The following RBFOX1 variants were observed in gnomAD, a reference collection of about 807,000 sequenced individuals.
RBFOX1 encodes the protein RNA binding protein fox-1 homolog 1.
In RBFOX1, 8 loss-of-function variants were observed where a neutral mutation model predicts 57.7. The ratio of observed to expected loss-of-function variants is 0.14; its 90% CI spans 0.08 to 0.25. The LOEUF (loss-of-function observed/expected upper bound fraction) is 0.25, where lower values mean the gene tolerates loss of function less well. Among genes scored for constraint, RBFOX1 ranks in the 10% least tolerant of loss-of-function variants. RBFOX1 has a pLI of 1.00. For missense variants in RBFOX1, 611 were observed against 548.5 expected (o/e 1.11, Z -1.14); for synonymous variants, 326 against 222.4 (o/e 1.47, Z -4.15).
chr16:7,225,200 G>A (rs993071544), intron 4 of RBFOX1, among the ~76,000 whole-genome samples: 5 of 152,084 alleles, frequency 3.3e-5, no homozygotes, highest in African/African-American at 9.7e-5. Context: ...GTAAGTGCAC[G>A]TGATCTCCTT....
intron 1 of RBFOX1, among the ~76,000 whole-genome samples, chr16:6,146,589 G>C (rs903235631): frequency 7.9e-5 from 12 of 152,156 alleles, no homozygotes; most frequent in African/African-American, 2.9e-4. Context: ...CTTTTAGAGA[G>C]AGTAGGTGAC....
intron 2 of RBFOX1, among the ~76,000 whole-genome samples, chr16:6,467,451 C>G (rs1414010404): frequency 1.3e-5 from 2 of 152,062 alleles, no homozygotes; most frequent in African/African-American, 2.4e-5. Flanking sequence ...TATGTCCAGG[C>G]AAGGTGACTT....
At chr16:6,923,313 C>T (rs1260614863) in intron 3 of RBFOX1, among the ~76,000 whole-genome samples, 2 of 152,082 alleles carry the variant, frequency 1.3e-5, no homozygotes, top group African/African-American at 2.4e-5. Flanking sequence ...GCGGGAGGAT[C>T]ATGTGAGGTC....
chr16:6,965,860 C>T (rs373221180), intron 3 of RBFOX1, among the ~76,000 whole-genome samples: 2 of 149,670 alleles, frequency 1.3e-5, no homozygotes, highest in East Asian at 3.9e-4. Context: ...GATAAGGAAA[C>T]TGAGGCATGG....
At chr16:5,768,688 G>A (rs1026466091) in intron 3 of RBFOX1, among the ~76,000 whole-genome samples, 17 of 152,258 alleles carry the variant, frequency 1.1e-4, no homozygotes, top group Non-Finnish European at 1.8e-4. Context: ...GGGAGGAAGC[G>A]GATGATTCTG....
intron 4 of RBFOX1, among the ~76,000 whole-genome samples, chr16:7,394,418 C>A (rs1044851499): frequency 4.6e-5 from 7 of 152,166 alleles, no homozygotes; most frequent in African/African-American, 1.7e-4. Context: ...GAATCTCTTG[C>A]TTACCTCCCC....
intron 4 of RBFOX1, among the ~76,000 whole-genome samples, chr16:7,247,148 C>G (rs1265609151): frequency 6.6e-6 from 1 of 152,150 alleles, no homozygotes; most frequent in Non-Finnish European, 1.5e-5. Context: ...TTGGAGGGAA[C>G]TCTGGTCCCT....
chr16:7,607,804 T>C (rs976836357), intron 10 of RBFOX1, among the ~76,000 whole-genome samples: 1 of 152,218 alleles, frequency 6.6e-6, no homozygotes. Flanking sequence ...GAAGGCCTTT[T>C]TCGATAACTA....
At chr16:6,018,087 A>G (rs2095008341), upstream of RBFOX1, among the ~76,000 whole-genome samples, 1 of 152,158 alleles carries the variant, frequency 6.6e-6, no homozygotes, top group African/African-American at 2.4e-5. Flanking sequence ...TGAACAAATT[A>G]CAACTCACTG....
chr16:5,698,686 G>A (rs1359877562), intron 3 of RBFOX1, among the ~76,000 whole-genome samples: 1 of 152,088 alleles, frequency 6.6e-6, no homozygotes, highest in Non-Finnish European at 1.5e-5. Flanking sequence ...GCCAAAAGTT[G>A]GAAGCAACCC....
At chr16:5,740,061 A>G (rs1417617878) in intron 3 of RBFOX1, among the ~76,000 whole-genome samples, 3 of 152,124 alleles carry the variant, frequency 2.0e-5, no homozygotes, top group African/African-American at 7.2e-5. Flanking sequence ...TTCCACAGCA[A>G]ACAGAAGCCC....
intron 12 of RBFOX1, among the ~76,000 whole-genome samples, chr16:7,656,541 C>T (rs372758081): frequency 9.4e-5 from 14 of 149,042 alleles, no homozygotes; most frequent in African/African-American, 2.9e-4. Flanking sequence ...TACTTGTTTT[C>T]AGAAAGTAAC....
intron 3 of RBFOX1, among the ~76,000 whole-genome samples, chr16:5,858,427 A>G (rs2057125608): frequency 6.6e-6 from 1 of 152,190 alleles, no homozygotes; most frequent in Non-Finnish European, 1.5e-5. Flanking sequence ...CTTCCTTAAT[A>G]GACCAACTTC....
At chr16:5,636,503 C>T (rs1172200468) in intron 3 of RBFOX1, among the ~76,000 whole-genome samples, 4 of 152,150 alleles carry the variant, frequency 2.6e-5, no homozygotes, top group Admixed American at 1.3e-4. Flanking sequence ...CAGGCATTAA[C>T]GTTTTATTGG....
intron 2 of RBFOX1, among the ~76,000 whole-genome samples, chr16:6,450,067 A>C (rs1487839791): frequency 6.6e-6 from 1 of 152,128 alleles, no homozygotes; most frequent in East Asian, 1.9e-4. Flanking sequence ...AGTAAGAAAC[A>C]GGCATGCCTT....
intron 2 of RBFOX1, among the ~76,000 whole-genome samples, chr16:6,368,742 A>G (rs528742630): frequency 1.1e-4 from 17 of 152,352 alleles, no homozygotes; most frequent in African/African-American, 3.4e-4. Flanking sequence ...ATGTTTACAC[A>G]TGACAGGCAC....
intron 3 of RBFOX1, among the ~76,000 whole-genome samples, chr16:5,799,773 T>C (rs1476017544): frequency 6.6e-6 from 1 of 152,172 alleles, no homozygotes; most frequent in Non-Finnish European, 1.5e-5. Context: ...TGTTACCCCA[T>C]TGTAAATTGA....
intron 5 of RBFOX1, among the ~76,000 whole-genome samples, chr16:7,526,206 C>G (rs1323762548): frequency 6.6e-6 from 1 of 152,190 alleles, no homozygotes; most frequent in East Asian, 1.9e-4. Context: ...TGAAACCATC[C>G]TCCCTGCCCC....
intron 1 of RBFOX1, among the ~76,000 whole-genome samples, chr16:6,113,840 A>T (rs1428698402): frequency 6.6e-6 from 1 of 152,190 alleles, no homozygotes; most frequent in Non-Finnish European, 1.5e-5. Context: ...TACATCTGTT[A>T]TTCCACTGCC....
Sources: allele counts gnomAD v4.1 joint callset (sites outside exome capture counted in the v4.1 genomes callset), GRCh38; gene constraint gnomAD v4.1.1; transcripts MANE v1.5; gene names NCBI Gene and HGNC (gene_info 2026-07-23, HGNC 2026-07-21).